Variants in TECPR2 observed in about 807,000 individuals in gnomAD.
TECPR2 encodes tectonin beta-propeller repeat-containing protein 2.
Under a neutral mutation model 138.1 loss-of-function variants are expected in TECPR2, and 65 were observed. The ratio of observed to expected loss-of-function variants is 0.47; its 90% CI spans 0.39 to 0.58. The LOEUF (loss-of-function observed/expected upper bound fraction) is 0.58. TECPR2 is among the 20% of genes least tolerant of loss of function. The pLI is 0.00. For synonymous variants in TECPR2, 746 were observed against 749.8 expected, an observed-to-expected ratio of 0.99 and a Z score of 0.08; for missense variants, 1,553 against 1,824.5, an observed-to-expected ratio of 0.85 and a Z score of 2.71.
In TECPR2 at chr14:102,419,461, C is replaced by T. The variant is rs945431755; in HGVS notation, c.638+4668C>T. On this transcript the variant is annotated intron_variant, in intron 5 of 19. Coordinates refer to ENST00000359520, the MANE Select transcript of TECPR2 (RefSeq NM_014844.5). The surrounding 1 kb of genome is among the most constrained non-coding windows in gnomAD (Gnocchi z 4.8). ...TGTGGCAGCACATTGGTGTGTGACG[C>T]GGGTGCCTGTGGAGGGAACACAGTG... 3.9e-5 allele frequency among the ~76,000 whole-genome samples: 6 copies of T among 152,034 alleles called. No individual in the cohort carries two copies. Among genetic ancestry groups the T allele is most frequent in the East Asian group, 1.9e-4 (1 of 5,182 alleles).
intron 1 of TECPR2, among the ~76,000 whole-genome samples, chr14:102,366,616 G>C (rs187294665): frequency 6.6e-6 from 1 of 152,256 alleles, no homozygotes; most frequent in African/African-American, 2.4e-5. Flanking sequence ...CAAAGTGCTG[G>C]GATTACAGGC....
At chr14:102,411,500 C>T (rs979462578) in intron 4 of TECPR2, among the ~76,000 whole-genome samples, 104 of 152,000 alleles carry the variant, frequency 6.8e-4, no homozygotes, top group African/African-American at 2.4e-3. Context: ...CTTTTCCTGG[C>T]TCATCCTGGC....
intron 2 of TECPR2, among the ~76,000 whole-genome samples, chr14:102,405,882 C>T (rs149735919): frequency 6.6e-6 from 1 of 152,034 alleles, no homozygotes. Flanking sequence ...TGCTATAACA[C>T]GGATGAACCT....
chr14:102,424,868 T>C (rs1386867966), intron 5 of TECPR2, 111 bp from the exon 6 acceptor site: 4 of 1,102,100 alleles, frequency 3.6e-6, no homozygotes, highest in African/African-American at 1.6e-5. Context: ...AATCAATTAT[T>C]GTCTTAGCCA....
Position 102,445,938 on chromosome 14 carries a change from T to C in TECPR2, c.3066T>C (p.His1022=), listed in dbSNP as rs1227747201. ...AGAAGCCCCAAGGAGATGACGACCA[T>C]TGGTGGCAAGTAGGTGTTCAGCTCT... ...ISKKPQGDDD[H]WWQVSITDYV... The change falls in exon 13 of 20, where the codon CAT becomes CAC. Residue 1022 remains histidine, a synonymous_variant. Coordinates refer to ENST00000359520, the MANE Select transcript of TECPR2 (RefSeq NM_014844.5). 1.9e-6 allele frequency: 3 copies of C among 1,613,776 alleles called. No homozygotes were observed. Among genetic ancestry groups the C allele is most frequent in the Non-Finnish European group, 2.5e-6 (3 of 1,179,872 alleles).
chr14:102,392,103 C>T (rs1888192272), intron 2 of TECPR2, among the ~76,000 whole-genome samples: 1 of 152,172 alleles, frequency 6.6e-6, no homozygotes, highest in Admixed American at 6.5e-5. Context: ...ATTCTCCTGC[C>T]TCAGCCTCCC....
In TECPR2 at chr14:102,419,630, A is replaced by T. The variant is rs966647049; in HGVS notation, c.638+4837A>T. Among the ~76,000 whole-genome samples, 7 of 152,124 alleles carry T rather than the reference A, an allele frequency of 4.6e-5. No homozygotes were observed. Among genetic ancestry groups the T allele is most frequent in the African/African-American group, 1.4e-4 (6 of 41,440 alleles). On this transcript the variant is annotated intron_variant, in intron 5 of 19. Coordinates refer to ENST00000359520, the MANE Select transcript of TECPR2 (RefSeq NM_014844.5). The surrounding 1 kb of genome is among the most constrained non-coding windows in gnomAD (Gnocchi z 4.8). ...ACAGGGCAGGTGCAGGCAGGTCAGG[A>T]GGCCCAGAGGTAGAAGACGAGGGGT...
intron 6 of TECPR2, 52 bp from the exon 7 acceptor site, chr14:102,428,198 C>G: frequency 6.8e-7 from 1 of 1,478,872 alleles, no homozygotes; most frequent in South Asian, 1.4e-5. Context: ...TGAGCTGTTA[C>G]CGTTGTTTAG....
intron 7 of TECPR2, among the ~76,000 whole-genome samples, chr14:102,430,714 G>A (rs539978279): frequency 1.3e-5 from 2 of 152,304 alleles, no homozygotes; most frequent in African/African-American, 4.8e-5. Flanking sequence ...TGGCCCTTGG[G>A]CTTGGGGACA....
chr14:102,442,104 G>A (rs780242395), intron 11 of TECPR2, among the ~76,000 whole-genome samples: 3 of 152,064 alleles, frequency 2.0e-5, no homozygotes, highest in Non-Finnish European at 4.4e-5. Context: ...TCAGCCTCCC[G>A]AGTAGCTGGG....
At chr14:102,379,111 C>A (rs995517637) in intron 2 of TECPR2, among the ~76,000 whole-genome samples, 1 of 152,130 alleles carries the variant, frequency 6.6e-6, no homozygotes, top group Non-Finnish European at 1.5e-5. Context: ...AAGGAAGACT[C>A]GTGAATCCAA....
rs545614481 is a variant in TECPR2 at position 102,440,557 on chromosome 14, C to T, written c.2700C>T (p.Ser900=). The part of the protein sequence containing the change: ...ALPQAVFVAL[S]DDTAWIIRTS... ...CCCAGGCAGTGTTTGTGGCCCTGAGCGATGACACGGCCTGGATCATCAGGA... is the reference window on the plus strand; with the variant it reads ...CCCAGGCAGTGTTTGTGGCCCTGAGTGATGACACGGCCTGGATCATCAGGA... Residue 900 remains serine (S), a synonymous_variant, in exon 11 of 20, where the codon AGC becomes AGT. Coordinates refer to ENST00000359520, the MANE Select transcript of TECPR2 (RefSeq NM_014844.5). 28 of 1,614,028 alleles carry T rather than the reference C, an allele frequency of 1.7e-5. No individual in the cohort carries two copies. Among genetic ancestry groups the T allele is most frequent in the East Asian group, 8.9e-5 (4 of 44,880 alleles).
intron 2 of TECPR2, among the ~76,000 whole-genome samples, chr14:102,399,415 C>T (rs117953565): frequency 0.027 from 4,146 of 152,118 alleles, 74 homozygotes; most frequent in Middle Eastern, 0.085. Flanking sequence ...TAAGATATTC[C>T]CAGGTGAACA....
At position 102,362,990 on chromosome 14, in the gene TECPR2, C is replaced by T. The variant is rs992147680; in HGVS notation, c.-199C>T. On this transcript the variant is annotated 5_prime_UTR_variant, in exon 1 of 20. Coordinates refer to ENST00000359520, the MANE Select transcript of TECPR2 (RefSeq NM_014844.5). ...CCCGGCGGAGCCAGCTGCTGCTCTT[C>T]GGTGCTGGCCCCGGTGCCGGCCCCG... The T allele has an allele frequency of 1.4e-5, 16 of 1,168,390 alleles. No individual in the cohort carries two copies. The African/African-American group carries it at 2.1e-4, about 16-fold the overall frequency. The allele number at this position is 1,168,390 out of a possible 1,614,324, so 72.4% of individuals were successfully genotyped here.
chr14:102,491,741 C>T (rs1185792469), intron 17 of TECPR2, among the ~76,000 whole-genome samples: 1 of 152,212 alleles, frequency 6.6e-6, no homozygotes, highest in Admixed American at 6.5e-5. Context: ...TGCCCCTCCA[C>T]TCCAGGCAGA....
Position 102,438,203 on chromosome 14 carries a change from C to T in TECPR2, c.2576C>T (p.Ser859Leu), listed in dbSNP as rs373480215. The change falls in exon 10 of 20, where the codon TCA (serine) becomes TTA (leucine). Residue 859 changes from serine (S) to leucine (L), a missense_variant and splice_region_variant. Ser to Leu is a moderately radical substitution (Grantham distance 145, BLOSUM62 -2). Transcript: ENST00000359520. The stretch of plus-strand genomic sequence containing the variant: ...GTCCAGCAGGTGGCAGTCTCGCCCT[C>T]AGGTTCGCCTCCCCGCTCCCTGCTC... ...DAVQQVAVSP[S>L]GALLWKIEQK... The T allele has an allele frequency of 3.1e-6, 5 of 1,602,950 alleles. No individual in the cohort carries two copies. The highest frequency in any genetic ancestry group is 4.2e-6 in the Non-Finnish European group (5 of 1,178,188).
At chr14:102,424,892 G>A (rs1307468182) in intron 5 of TECPR2, 87 bp from the exon 6 acceptor site, 2 of 1,331,476 alleles carry the variant, frequency 1.5e-6, no homozygotes, top group Non-Finnish European at 2.1e-6. Context: ...AATTCTTGTT[G>A]TACTTAATAT....
In TECPR2 at chr14:102,435,568, GA is replaced by G. The variant is rs533019474; in HGVS notation, c.2394+358del. ...CATCTCAGAAAACCAGTGGGCAGAG[GA>G]CTGTCCACCTGTGGAGTAGAGAAAG... is the stretch of plus-strand genomic sequence containing the variant. On this transcript the variant is annotated intron_variant, in intron 9 of 19. Transcript: ENST00000359520. Among the ~76,000 whole-genome samples, 29 of 152,302 alleles carry G rather than the reference GA, an allele frequency of 1.9e-4. No individual in the cohort carries two copies. In the South Asian group the frequency reaches 6.0e-3, roughly 32 times the overall value.
At chr14:102,384,709 G>A (rs1260288720) in intron 2 of TECPR2, among the ~76,000 whole-genome samples, 2 of 149,626 alleles carry the variant, frequency 1.3e-5, no homozygotes, top group African/African-American at 4.9e-5. Flanking sequence ...ATGTGTGTGT[G>A]TGTGTATATA....
Sources: gnomAD v4.1 joint callset for allele counts (sites outside exome capture counted in the v4.1 genomes callset) on GRCh38, gnomAD v4.1.1 for gene constraint, Gnocchi (gnomAD v3.1) non-coding constraint, MANE v1.5 for transcripts, NCBI Gene and HGNC (gene_info 2026-07-23, HGNC 2026-07-21) for gene names.